DCC: variants seen among roughly 807,000 people sequenced by gnomAD.
DCC encodes DCC netrin 1 receptor, also known as netrin receptor DCC.
Under a neutral mutation model 172.5 loss-of-function variants are expected in DCC, and 58 were observed. The ratio of observed to expected loss-of-function variants is 0.34; its 90% CI spans 0.27 to 0.42. The LOEUF is 0.42. DCC is among the 10% of genes least tolerant of loss of function. The pLI is 1.00. For synonymous variants in DCC, 709 were observed against 644.5 expected (o/e 1.10, Z -1.52); for missense variants, 1,740 against 1,791.0 (o/e 0.97, Z 0.51).
rs143058304 is a variant in DCC, at chr18:52,988,345, T to C, written c.985+62975T>C. On this transcript the variant is annotated intron_variant, in intron 5 of 28. Coordinates refer to ENST00000442544, the MANE Select transcript of DCC (RefSeq NM_005215.4). ...AACAAAGTCCATGTACTGCAGACCT[T>C]TCTATTTTATACTGAAACATCCAAA... is the stretch of plus-strand genomic sequence containing the variant. Among the ~76,000 whole-genome samples the C allele has an allele frequency of 9.7e-3, 1,470 of 152,306 alleles. 30 individuals are homozygous for C. Among genetic ancestry groups the C allele is most frequent in the African/African-American group, 0.034 (1,416 of 41,576 alleles).
intron 15 of DCC, among the ~76,000 whole-genome samples, chr18:53,344,440 C>CTTTTTTTTTT (rs71175582): frequency 1.1e-4 from 11 of 97,064 alleles, no homozygotes; most frequent in African/African-American, 2.9e-4. Context: ...TTTCGTTTTT[C>CTTTTTTTTTT]TTTTTTTTTT....
chr18:53,193,425 A>G (rs1327934680), intron 9 of DCC, among the ~76,000 whole-genome samples: 1 of 152,204 alleles, frequency 6.6e-6, no homozygotes, highest in African/African-American at 2.4e-5. Context: ...TTTGCCAGAT[A>G]TAATTCATAT....
intron 25 of DCC, among the ~76,000 whole-genome samples, chr18:53,478,718 C>T (rs2045797362): frequency 6.6e-6 from 1 of 152,160 alleles, no homozygotes; most frequent in Admixed American, 6.5e-5. Flanking sequence ...CCAATGCTCT[C>T]CTTCCCTTTC....
At chr18:52,358,707 G>A (rs1172607702) in intron 1 of DCC, among the ~76,000 whole-genome samples, 1 of 152,076 alleles carries the variant, frequency 6.6e-6, no homozygotes, top group Non-Finnish European at 1.5e-5. Flanking sequence ...TTCCTTACAT[G>A]TTTCTAGGAG....
intron 7 of DCC, among the ~76,000 whole-genome samples, chr18:53,105,990 G>T (rs867133499): frequency 6.6e-6 from 1 of 151,192 alleles, no homozygotes; most frequent in African/African-American, 2.4e-5. Flanking sequence ...AGCAGAGGCG[G>T]CAGGCTGTTT....
At chr18:53,113,394 T>C (rs1276754028) in intron 7 of DCC, among the ~76,000 whole-genome samples, 1 of 151,404 alleles carries the variant, frequency 6.6e-6, no homozygotes, top group African/African-American at 2.4e-5. Flanking sequence ...ATAAGACTTA[T>C]ATTTACCCTC....
chr18:53,227,327 TA>T (rs2056049363), intron 12 of DCC, among the ~76,000 whole-genome samples: 1 of 152,154 alleles, frequency 6.6e-6, no homozygotes, highest in Admixed American at 6.6e-5. Context: ...TATTTTAGTT[TA>T]ATCTCATCAA....
intron 1 of DCC, among the ~76,000 whole-genome samples, chr18:52,651,600 T>C (rs1210685988): frequency 6.6e-6 from 1 of 152,108 alleles, no homozygotes; most frequent in African/African-American, 2.4e-5. Flanking sequence ...TTGTGTAATA[T>C]TGCATCATAT....
intron 1 of DCC, among the ~76,000 whole-genome samples, chr18:52,366,493 C>T (rs918145453): frequency 1.6e-4 from 24 of 152,154 alleles, no homozygotes; most frequent in African/African-American, 5.3e-4. Context: ...TTTACAATCC[C>T]TGAGCTAGAT....
chr18:52,615,321 C>T (rs2034359442), intron 1 of DCC, among the ~76,000 whole-genome samples: 1 of 152,180 alleles, frequency 6.6e-6, no homozygotes, highest in Non-Finnish European at 1.5e-5. Context: ...GTGCTCTGCT[C>T]ATTCCTAAGT....
chr18:52,564,884 C>T (rs2144746940), intron 1 of DCC, among the ~76,000 whole-genome samples: 1 of 152,164 alleles, frequency 6.6e-6, no homozygotes. Flanking sequence ...GGCGGCCTTA[C>T]ATCAAAATGG....
chr18:52,496,180 C>T (rs2144614745), intron 1 of DCC, among the ~76,000 whole-genome samples: 1 of 152,228 alleles, frequency 6.6e-6, no homozygotes, highest in African/African-American at 2.4e-5. Context: ...CATTTCTCAT[C>T]CCCTGCCCTT....
At chr18:52,795,626 AT>A (rs2037860152) in intron 2 of DCC, among the ~76,000 whole-genome samples, 1 of 151,404 alleles carries the variant, frequency 6.6e-6, no homozygotes, top group South Asian at 2.1e-4. Context: ...TTGTTATTTC[AT>A]TTCTTCTGCT....
rs573733585 is a variant in DCC, at chr18:53,373,004, G to C, written c.2360-13039G>C. ...CTCACTAAACAAAAGGCTAAAGAAAGCTGAGCCTAACCACATGTTTGCCTC... is the reference window on the plus strand; with the variant it reads ...CTCACTAAACAAAAGGCTAAAGAAACCTGAGCCTAACCACATGTTTGCCTC... On this transcript the variant is annotated intron_variant, in intron 15 of 28. Transcript: ENST00000442544. Among the ~76,000 whole-genome samples, 4 of 152,270 alleles carry C rather than the reference G, an allele frequency of 2.6e-5. No individual in the cohort carries two copies. In the East Asian group the frequency reaches 5.8e-4, roughly 22 times the overall value.
chr18:53,418,964 T>C (rs1910476063), intron 21 of DCC, among the ~76,000 whole-genome samples: 1 of 152,164 alleles, frequency 6.6e-6, no homozygotes, highest in Non-Finnish European at 1.5e-5. Flanking sequence ...CATCACCCTA[T>C]CTCTTGCTCC....
At chr18:52,690,074 T>C (rs2035907640) in intron 1 of DCC, among the ~76,000 whole-genome samples, 1 of 152,162 alleles carries the variant, frequency 6.6e-6, no homozygotes, top group African/African-American at 2.4e-5. Flanking sequence ...TTCAAATGAC[T>C]GTAGCCCAGA....
chr18:53,197,802 T>C (rs547428799), intron 9 of DCC, among the ~76,000 whole-genome samples: 1 of 152,122 alleles, frequency 6.6e-6, no homozygotes, highest in African/African-American at 2.4e-5. Flanking sequence ...TTTCTTACAG[T>C]AAAGGGAAGA....
chr18:52,355,030 G>A (rs763088265), intron 1 of DCC, among the ~76,000 whole-genome samples: 7 of 152,096 alleles, frequency 4.6e-5, no homozygotes, highest in African/African-American at 9.7e-5. Context: ...TTGTCAACTC[G>A]CATATATGAA....
At chr18:52,866,864 C>A (rs553143617) in intron 2 of DCC, among the ~76,000 whole-genome samples, 3 of 152,058 alleles carry the variant, frequency 2.0e-5, no homozygotes, top group African/African-American at 7.2e-5. Context: ...ATTTGAATAC[C>A]CTTTATTTTT....
Sources: allele counts gnomAD v4.1 joint callset (sites outside exome capture counted in the v4.1 genomes callset), GRCh38; gene constraint gnomAD v4.1.1; transcripts MANE v1.5; gene names NCBI Gene and HGNC (gene_info 2026-07-23, HGNC 2026-07-21).